Variants in ATF2 observed in about 807,000 individuals in gnomAD.
The protein encoded by ATF2 is activating transcription factor 2, also known as cyclic AMP-dependent transcription factor ATF-2.
A neutral mutation model predicts 60.6 loss-of-function variants in ATF2; 24 were observed. That is an observed-to-expected ratio of 0.40 (90% CI 0.29 to 0.56). ATF2 has a LOEUF of 0.56. Ranked by LOEUF, ATF2 falls within the 20% of genes least tolerant of loss-of-function variation. The pLI is 0.54. For synonymous variants in ATF2, 206 were observed against 215.4 expected (o/e 0.96, Z 0.38); for missense variants, 433 against 607.7 (o/e 0.71, Z 3.02).
At chr2:175,138,191 G>A (rs367797663) in intron 2 of ATF2, among the ~76,000 whole-genome samples, 235 of 152,172 alleles carry the variant, frequency 1.5e-3, no homozygotes, top group African/African-American at 5.5e-3. Flanking sequence ...TTTAGAAGTC[G>A]GCTTCTTTGA....
At chr2:175,163,265 T>A (rs974629801) in intron 1 of ATF2, among the ~76,000 whole-genome samples, 11 of 152,018 alleles carry the variant, frequency 7.2e-5, no homozygotes, top group Admixed American at 2.6e-4. Flanking sequence ...AAAATTAGAA[T>A]GACAAAGGTT....
chr2:175,118,413 TAA>T, intron 5 of ATF2, 44 bp from the exon 6 acceptor site: 1 of 1,484,568 alleles, frequency 6.7e-7, no homozygotes. Context: ...TTAAATATGT[TAA>T]GACTCTAAAA....
rs530192941 is a variant in ATF2, at chr2:175,154,399, G to A, written c.-142-3241C>T. On this transcript the variant is annotated intron_variant, in intron 1 of 13. Coordinates refer to ENST00000264110, the MANE Select transcript of ATF2 (RefSeq NM_001880.4). Reference sequence around the variant, plus strand: ...TCTTCAGGGGCAATAACATGGAGCCGTGATCACCTATGATAACAACGCCTT... The same window carrying A: ...TCTTCAGGGGCAATAACATGGAGCCATGATCACCTATGATAACAACGCCTT... Among the ~76,000 whole-genome samples, 4 of 151,638 alleles carry A rather than the reference G, an allele frequency of 2.6e-5. No individual in the cohort carries two copies. In the East Asian group the frequency reaches 5.8e-4, roughly 22 times the overall value.
chr2:175,159,288 C>T (rs1699876080), intron 1 of ATF2, among the ~76,000 whole-genome samples: 1 of 151,364 alleles, frequency 6.6e-6, no homozygotes, highest in African/African-American at 2.4e-5. Flanking sequence ...CACTGTACTC[C>T]AGCCTGCGCG....
At chr2:175,111,380 T>C (rs1373727468) in intron 10 of ATF2, among the ~76,000 whole-genome samples, 188 bp downstream of exon 10, 2 of 152,206 alleles carry the variant, frequency 1.3e-5, no homozygotes, top group East Asian at 3.8e-4. Context: ...AATTTTAAAG[T>C]ATCACTAACT....
At position 175,073,220 on chromosome 2, in the gene ATF2, T is replaced by C. The variant is rs1231129499; in HGVS notation, c.*1389A>G. 1 of 152,164 alleles carries C rather than the reference T, an allele frequency of 6.6e-6. No individual in the cohort carries two copies. The highest frequency in any genetic ancestry group is 2.4e-5 in the African/African-American group (1 of 41,446). 9.4% of individuals were successfully genotyped at this position (152,164 alleles called of 1,614,324 possible). A position where few individuals can be genotyped will look rare whatever the true frequency, so the allele number is the denominator to read the frequency against. ...TAAAATATGTACTGTATTTTGAACA[T>C]AACTGCAGAATAAAAATAGATAATG... On this transcript the variant is annotated 3_prime_UTR_variant, in exon 14 of 14. Coordinates refer to ENST00000264110, the MANE Select transcript of ATF2 (RefSeq NM_001880.4).
chr2:175,116,406 T>C (rs1696574067), intron 7 of ATF2, among the ~76,000 whole-genome samples: 1 of 151,996 alleles, frequency 6.6e-6, no homozygotes. Context: ...GGAGAAAATT[T>C]ACTGAGATGG....
At position 175,097,644 on chromosome 2, in the gene ATF2, A is replaced by G. The variant is rs761803388; in HGVS notation, c.829-51T>C. ...TTTTTTTAAGTCCTTAAAGATCATC[A>G]TGAATATCAACAAGACAAACAATAG... On this transcript the variant is annotated intron_variant, in intron 10 of 13. Coordinates refer to ENST00000264110, the MANE Select transcript of ATF2 (RefSeq NM_001880.4). The G allele has an allele frequency of 6.3e-6, 10 of 1,591,044 alleles. No individual in the cohort carries two copies. The East Asian group carries it at 2.0e-4, about 32-fold the overall frequency.
At chr2:175,128,846 C>T (rs1017316999) in intron 4 of ATF2, among the ~76,000 whole-genome samples, 4 of 151,980 alleles carry the variant, frequency 2.6e-5, no homozygotes, top group Admixed American at 6.6e-5. Flanking sequence ...AAAGACAACC[C>T]AATTTTTTAA....
chr2:175,142,166 CCT>C (rs1169656424), intron 2 of ATF2, among the ~76,000 whole-genome samples: 1 of 151,530 alleles, frequency 6.6e-6, no homozygotes, highest in Non-Finnish European at 1.5e-5. Flanking sequence ...GTGAAGGCTT[CCT>C]CTTTCCAGTT....
intron 4 of ATF2, among the ~76,000 whole-genome samples, chr2:175,122,682 A>G (rs758825373): frequency 6.6e-5 from 10 of 152,154 alleles, no homozygotes; most frequent in South Asian, 2.1e-4. Flanking sequence ...TGTGCGGCAC[A>G]ATGCCTTGGT....
chr2:175,160,821 G>A (rs1436855246), intron 1 of ATF2, among the ~76,000 whole-genome samples: 8 of 152,016 alleles, frequency 5.3e-5, no homozygotes, highest in African/African-American at 1.9e-4. Context: ...TGGGAGGATC[G>A]CTTGAGCCTG....
rs561119094 is a variant in ATF2, at chr2:175,142,409, T to C, written c.-43-5923A>G. 4.8e-4 allele frequency among the ~76,000 whole-genome samples: 73 copies of C among 152,030 alleles called. No homozygotes were observed. In the South Asian group the frequency reaches 9.8e-3, roughly 20 times the overall value. Reference sequence around the variant, plus strand: ...GTCTTGAACTACTGAACTCAGGTGATCCACGCCTTGGCCTCCCAAAGTGCT... The same window carrying C: ...GTCTTGAACTACTGAACTCAGGTGACCCACGCCTTGGCCTCCCAAAGTGCT... On this transcript the variant is annotated intron_variant, in intron 2 of 13. Transcript: ENST00000264110.
At chr2:175,091,784 A>AC (rs1428252131) in intron 12 of ATF2, among the ~76,000 whole-genome samples, 1 of 152,212 alleles carries the variant, frequency 6.6e-6, no homozygotes, top group Non-Finnish European at 1.5e-5. Flanking sequence ...AATCACTGGC[A>AC]CCCGGGAGCT....
intron 1 of ATF2, among the ~76,000 whole-genome samples, chr2:175,153,639 C>T (rs1471734089): frequency 2.6e-5 from 4 of 151,914 alleles, no homozygotes; most frequent in Admixed American, 1.3e-4. Context: ...ACCAGCCTGG[C>T]CAATATGGTG....
chr2:175,133,972 G>A (rs1401152761), intron 3 of ATF2, among the ~76,000 whole-genome samples: 2 of 152,134 alleles, frequency 1.3e-5, no homozygotes, highest in East Asian at 1.9e-4. Context: ...CAGAGACAGT[G>A]TGTTCCAGGA....
chr2:175,160,758 G>T (rs984078710), intron 1 of ATF2, among the ~76,000 whole-genome samples: 2 of 151,928 alleles, frequency 1.3e-5, no homozygotes, highest in Non-Finnish European at 2.9e-5. Context: ...TAGAAGAAAA[G>T]AATAGTTGGG....
intron 12 of ATF2, among the ~76,000 whole-genome samples, chr2:175,091,827 T>C (rs212357): frequency 0.26 from 39,868 of 152,106 alleles, 6,195 homozygotes; most frequent in African/African-American, 0.44. Flanking sequence ...TGCACCACTG[T>C]ACTTCAGCCC....
rs1365442169 is a variant in ATF2 at position 175,132,212 on chromosome 2, T to G, written c.33-2005A>C. Among the ~76,000 whole-genome samples the G allele has an allele frequency of 7.2e-5, 11 of 152,236 alleles. 1 individual carries two copies. The highest frequency in any genetic ancestry group is 6.5e-4 in the Admixed American group (10 of 15,280). ...CAGACCGCTCTCACATTATGAGAAT[T>G]CCTGGTACAGGCATATCTCATTTTA... is the stretch of plus-strand genomic sequence containing the variant. On this transcript the variant is annotated intron_variant, in intron 3 of 13. Transcript: ENST00000264110.
Sources: allele counts gnomAD v4.1 joint callset (sites outside exome capture counted in the v4.1 genomes callset), GRCh38; gene constraint gnomAD v4.1.1; transcripts MANE v1.5; gene names NCBI Gene and HGNC (gene_info 2026-07-23, HGNC 2026-07-21).